SPIDR: variants seen among roughly 807,000 people sequenced by gnomAD.
SPIDR encodes DNA repair-scaffolding protein.
Under a neutral mutation model 104.6 loss-of-function variants are expected in SPIDR, and 93 were observed. That is an observed-to-expected ratio of 0.89 (90% CI 0.75 to 1.06). The LOEUF is 1.06. SPIDR is among the 50% of genes least tolerant of loss of function. The probability of loss-of-function intolerance (pLI) is 0.00; values close to 1 mark genes in which losing one functional copy is unlikely to be tolerated. For synonymous variants in SPIDR, 431 were observed against 416.9 expected, an observed-to-expected ratio of 1.03 and a Z score of -0.41; for missense variants, 1,154 against 1,111.2, an observed-to-expected ratio of 1.04 and a Z score of -0.55.
intron 10 of SPIDR, among the ~76,000 whole-genome samples, chr8:47,607,755 C>A (rs2063134010): frequency 6.6e-6 from 1 of 151,676 alleles, no homozygotes; most frequent in East Asian, 2.0e-4. Flanking sequence ...ACATCCAGAC[C>A]CTTTATATTC....
chr8:47,552,069 A>G (rs1043469217), intron 8 of SPIDR, among the ~76,000 whole-genome samples: 2 of 152,160 alleles, frequency 1.3e-5, no homozygotes, highest in Non-Finnish European at 2.9e-5. Context: ...GTTCCCATGT[A>G]GTAGAGTGGT....
rs935310720 is a variant in SPIDR at position 47,365,936 on chromosome 8, G to A, written c.526-30440G>A. Among the ~76,000 whole-genome samples, 32 of 151,676 alleles carry A rather than the reference G, an allele frequency of 2.1e-4. 1 individual carries two copies. In the South Asian group the frequency reaches 4.2e-3, roughly 20 times the overall value. Reference sequence around the variant, plus strand: ...TTGTGTGTGCTGCATAAATGCTATGGGATAAGAAAAAATATGTATGTTTAC... The same window carrying A: ...TTGTGTGTGCTGCATAAATGCTATGAGATAAGAAAAAATATGTATGTTTAC... On this transcript the variant is annotated intron_variant, in intron 5 of 19. Coordinates refer to ENST00000297423, the MANE Select transcript of SPIDR (RefSeq NM_001080394.4).
intron 7 of SPIDR, among the ~76,000 whole-genome samples, chr8:47,437,341 G>C (rs1357821207): frequency 2.7e-5 from 4 of 150,668 alleles, no homozygotes; most frequent in Non-Finnish European, 5.9e-5. Context: ...AGAATATGTG[G>C]TGTTTGGTTT....
At chr8:47,684,338 G>C (rs368281692) in intron 11 of SPIDR, among the ~76,000 whole-genome samples, 45 of 152,120 alleles carry the variant, frequency 3.0e-4, no homozygotes, top group African/African-American at 1.1e-3. Flanking sequence ...TGACTGTGAG[G>C]GCCAAGCTTA....
chr8:47,651,994 T>C (rs1040133129), intron 10 of SPIDR, among the ~76,000 whole-genome samples: 5 of 152,050 alleles, frequency 3.3e-5, no homozygotes, highest in Non-Finnish European at 5.9e-5. Context: ...AGACTACATA[T>C]TGGGTACACT....
intron 5 of SPIDR, among the ~76,000 whole-genome samples, chr8:47,393,714 TTTCCTTTCCTTTCCTTTCC>T (rs1457077129): frequency 1.4e-5 from 2 of 145,268 alleles, no homozygotes; most frequent in African/African-American, 5.1e-5. Flanking sequence ...TTTCCTTTCC[TTTCCTTTCCTTTCCTTTCC>T]TTCCTTTCAT....
At position 47,295,428 on chromosome 8, in the gene SPIDR, T is replaced by C. The variant is rs1027000911; in HGVS notation, c.525+1398T>C. Among the ~76,000 whole-genome samples the C allele has an allele frequency of 1.3e-4, 20 of 152,358 alleles. No individual in the cohort carries two copies. The South Asian group carries it at 4.1e-3, about 32-fold the overall frequency. ...TTACTTCTGTCTAAATGAAATTTTG[T>C]ATCCTTTAGTCAGCATCTTCCCTTT... On this transcript the variant is annotated intron_variant, in intron 5 of 19. Coordinates refer to ENST00000297423, the MANE Select transcript of SPIDR (RefSeq NM_001080394.4).
At chr8:47,417,049 C>G (rs545456142) in intron 7 of SPIDR, among the ~76,000 whole-genome samples, 1 of 152,000 alleles carries the variant, frequency 6.6e-6, no homozygotes, top group Non-Finnish European at 1.5e-5. Context: ...GGGTTGGTTC[C>G]AAGTCTTTGC....
intron 8 of SPIDR, among the ~76,000 whole-genome samples, chr8:47,506,804 T>C (rs1391980259): frequency 6.6e-6 from 1 of 152,150 alleles, no homozygotes; most frequent in African/African-American, 2.4e-5. Context: ...AATGGTATCC[T>C]GTCATGATAG....
At chr8:47,594,235 C>T (rs1312822691) in intron 8 of SPIDR, among the ~76,000 whole-genome samples, 1 of 135,904 alleles carries the variant, frequency 7.4e-6, no homozygotes, top group Non-Finnish European at 1.6e-5. Flanking sequence ...ATTAGCTGGA[C>T]ATGATGGTGG....
chr8:47,597,249 G>A (rs927056504), intron 9 of SPIDR, among the ~76,000 whole-genome samples: 1 of 151,904 alleles, frequency 6.6e-6, no homozygotes, highest in Admixed American at 6.6e-5. Flanking sequence ...AAGTTTTAGG[G>A]TACATGTGCA....
At chr8:47,658,880 G>A (rs1252511381) in intron 10 of SPIDR, among the ~76,000 whole-genome samples, 2 of 149,552 alleles carry the variant, frequency 1.3e-5, no homozygotes, top group African/African-American at 4.9e-5. Context: ...AGATTGCAGT[G>A]AGCCAAGATA....
chr8:47,301,174 T>C (rs1237381014), intron 5 of SPIDR, among the ~76,000 whole-genome samples: 1 of 152,212 alleles, frequency 6.6e-6, no homozygotes, highest in Non-Finnish European at 1.5e-5. Context: ...GCTCTTCTTG[T>C]TGAATGATCC....
chr8:47,386,962 TAGATAC>T (rs2060022560), intron 5 of SPIDR, among the ~76,000 whole-genome samples: 3 of 139,534 alleles, frequency 2.2e-5, no homozygotes, highest in Non-Finnish European at 1.6e-5. Context: ...GATATAGATA[TAGATAC>T]AGATATAGAT....
At chr8:47,682,695 C>G (rs1301141275) in intron 11 of SPIDR, among the ~76,000 whole-genome samples, 1 of 152,150 alleles carries the variant, frequency 6.6e-6, no homozygotes, top group Non-Finnish European at 1.5e-5. Context: ...AATGGAACTT[C>G]TGGGCATAAT....
chr8:47,335,902 T>C (rs2049627273), intron 5 of SPIDR, among the ~76,000 whole-genome samples: 1 of 152,100 alleles, frequency 6.6e-6, no homozygotes, highest in Non-Finnish European at 1.5e-5. Flanking sequence ...AGTTGAAAAA[T>C]GATATGCCTA....
At chr8:47,414,235 C>T (rs1453225463) in intron 7 of SPIDR, among the ~76,000 whole-genome samples, 1 of 152,136 alleles carries the variant, frequency 6.6e-6, no homozygotes, top group Admixed American at 6.6e-5. Flanking sequence ...CCCGGTTACT[C>T]ACTATAGTGA....
At chr8:47,485,809 C>T (rs1233369733) in intron 8 of SPIDR, among the ~76,000 whole-genome samples, 1 of 152,200 alleles carries the variant, frequency 6.6e-6, no homozygotes, top group Non-Finnish European at 1.5e-5. Context: ...ACAAGGAAAA[C>T]TAACAAACAG....
chr8:47,366,827 A>G lies in SPIDR; in HGVS notation c.526-29549A>G, dbSNP rs947746419. ...GAGTTACCTATGATTTTTTTTGGTT[A>G]TTCTGCTCTCAGGATTGAAAACTAA... On this transcript the variant is annotated intron_variant, in intron 5 of 19. Coordinates refer to ENST00000297423, the MANE Select transcript of SPIDR (RefSeq NM_001080394.4). Among the ~76,000 whole-genome samples the G allele has an allele frequency of 5.9e-5, 9 of 152,152 alleles. 1 individual carries two copies. Among genetic ancestry groups the G allele is most frequent in the Admixed American group, 2.6e-4 (4 of 15,278 alleles).
Sources: gnomAD v4.1 joint callset for allele counts (sites outside exome capture counted in the v4.1 genomes callset) on GRCh38, gnomAD v4.1.1 for gene constraint, MANE v1.5 for transcripts, NCBI Gene and HGNC (gene_info 2026-07-23, HGNC 2026-07-21) for gene names.